Variants in MUC12 observed in about 807,000 individuals in gnomAD.
MUC12 encodes the protein mucin-12.
MUC12 carries 172 observed loss-of-function variants against 230.8 expected under a neutral mutation model. The observed-to-expected ratio is 0.75, with a 90% CI of 0.66 to 0.85. The LOEUF (loss-of-function observed/expected upper bound fraction) is 0.85. Ranked by LOEUF, MUC12 falls within the 40% of genes least tolerant of loss-of-function variation. MUC12 has a pLI of 0.00. For missense variants in MUC12, 3,506 were observed against 5,920.6 expected, an observed-to-expected ratio of 0.59 and a Z score of 13.38; for synonymous variants, 1,259 against 2,401.9, an observed-to-expected ratio of 0.52 and a Z score of 13.91.
At chr7:101,013,240 T>C in intron 8 of MUC12, 98 bp downstream of exon 8, 1 of 1,382,828 alleles carries the variant, frequency 7.2e-7, no homozygotes, top group Non-Finnish European at 9.8e-7. Flanking sequence ...TGAGTAGAGC[T>C]TGGGAGGTGC....
intron 1 of MUC12, chr7:100,972,752 C>G (rs1792933551): frequency 1.5e-6 from 1 of 652,784 alleles, no homozygotes; most frequent in African/African-American, 1.8e-5. Flanking sequence ...GTAATCTGCT[C>G]AGCTCGAACT....
At chr7:100,988,068 G>C (rs1000392483) in intron 1 of MUC12, among the ~76,000 whole-genome samples, 2 of 151,912 alleles carry the variant, frequency 1.3e-5, no homozygotes, top group African/African-American at 2.4e-5. Flanking sequence ...GAGAGGCCAA[G>C]GCAGGCAGAT....
chr7:101,014,024 A>C lies in MUC12; in HGVS notation c.15750A>C (p.Ala5250=). 1 of 1,537,008 alleles carries C rather than the reference A, an allele frequency of 6.5e-7. No individual in the cohort carries two copies. The highest frequency in any genetic ancestry group is 8.7e-7 in the Non-Finnish European group (1 of 1,146,808). The change falls in exon 9 of 12, where the codon GCA becomes GCC. Residue 5250 remains alanine, a synonymous_variant. Transcript: ENST00000536621. ...CTGTGATGGCGGTGCTGCTGCTCGCATTGATCATCCTAATCATCTTATTCA... is the reference window on the plus strand; with the variant it reads ...CTGTGATGGCGGTGCTGCTGCTCGCCTTGATCATCCTAATCATCTTATTCA... The part of the protein sequence containing the change: ...VGAVMAVLLL[A]LIILIILFSL...
At chr7:100,972,370 C>A (rs1402266741) in intron 1 of MUC12, among the ~76,000 whole-genome samples, 1 of 948 alleles carries the variant, frequency 1.1e-3, no homozygotes, top group East Asian at 0.021. Context: ...TAGAGGATCC[C>A]AGTTCTCTCC....
rs1471026976 is a variant in MUC12 at position 101,004,469 on chromosome 7, A to T, written c.13906A>T (p.Ser4636Cys). 1 of 1,530,294 alleles carries T rather than the reference A, an allele frequency of 6.5e-7. No individual in the cohort carries two copies. Among genetic ancestry groups the T allele is most frequent in the Admixed American group, 2.0e-5 (1 of 50,002 alleles). The allele number at this position is 1,530,294 out of a possible 1,614,324, so 94.8% of individuals were successfully genotyped here. A position where few individuals can be genotyped will look rare whatever the true frequency, so the allele number is the denominator to read the frequency against. Reference sequence around the variant, plus strand: ...TGAAGAATCAAGAACTTCCCACAGCAGCACAACACACACAATATCTTCACC... The same window carrying T: ...TGAAGAATCAAGAACTTCCCACAGCTGCACAACACACACAATATCTTCACC... The part of the protein sequence containing the change: ...RSEESRTSHS[S>C]TTHTISSPPS... Residue 4636 changes from serine (S) to cysteine (C), a missense_variant, in exon 2 of 12, where the codon AGC becomes TGC. By Grantham distance (112) the Ser-to-Cys change is moderately radical. Coordinates refer to ENST00000536621, the MANE Select transcript of MUC12 (RefSeq NM_001164462.2).
intron 1 of MUC12, among the ~76,000 whole-genome samples, chr7:100,978,476 C>A (rs543489818): frequency 6.6e-6 from 1 of 152,106 alleles, no homozygotes; most frequent in Non-Finnish European, 1.5e-5. Context: ...CTCTCATTTT[C>A]GAGGGAGAAA....
chr7:101,017,637 C>G lies in MUC12; in HGVS notation c.15940C>G (p.Leu5314Val), dbSNP rs1455482794. ...CGCCTACAACAACTTCCGGCCCACC[C>G]TGGAGACTGTTGACTCTGGCACAGA... ...ENAYNNFRPT[L>V]ETVDSGTELH... The change falls in exon 11 of 12, where the codon CTG (leucine) becomes GTG (valine). Residue 5314 changes from leucine to valine, a missense_variant. By Grantham distance (32) the Leu-to-Val change is conservative. Coordinates refer to ENST00000536621, the MANE Select transcript of MUC12 (RefSeq NM_001164462.2). 2 of 1,535,998 alleles carry G rather than the reference C, an allele frequency of 1.3e-6. No homozygotes were observed. Among genetic ancestry groups the G allele is most frequent in the African/African-American group, 2.7e-5 (2 of 72,910 alleles).
Position 100,992,601 on chromosome 7 carries a change from T to C in MUC12, c.2038T>C (p.Ser680Pro). The change falls in exon 2 of 12, where the codon TCA (serine) becomes CCA (proline). Residue 680 changes from serine to proline, a missense_variant. Ser to Pro is a moderately conservative substitution (Grantham distance 74). Coordinates refer to ENST00000536621, the MANE Select transcript of MUC12 (RefSeq NM_001164462.2). ...CCACATTTCTGCCCGCTCCACAACC[T>C]CAGGCCTCGTTGAAGAATCTACGAC... ...TTHISARSTT[S>P]GLVEESTTYH... The C allele has an allele frequency of 1.3e-6, 2 of 1,537,788 alleles. No individual in the cohort carries two copies. Among genetic ancestry groups the C allele is most frequent in the Non-Finnish European group, 1.7e-6 (2 of 1,146,990 alleles).
At chr7:100,977,117 G>A (rs539242670) in intron 1 of MUC12, among the ~76,000 whole-genome samples, 1 of 149,748 alleles carries the variant, frequency 6.7e-6, no homozygotes, top group Non-Finnish European at 1.5e-5. Context: ...ATCAGTTGGA[G>A]GAGTCAGGAT....
Position 100,991,310 on chromosome 7 carries a change from T to C in MUC12, c.747T>C (p.Ser249=). The change falls in exon 2 of 12, where the codon TCT becomes TCC. Residue 249 remains serine, a synonymous_variant. Coordinates refer to ENST00000536621, the MANE Select transcript of MUC12 (RefSeq NM_001164462.2). ...NTTTSGLLEA[S]TPVHSSTGSP... ...CAACCTCAGGCCTCCTTGAAGCATC[T>C]ACGCCCGTCCACAGCAGCACTGGAT... is the stretch of plus-strand genomic sequence containing the variant. 1.3e-6 allele frequency: 2 copies of C among 1,537,734 alleles called. No homozygotes were observed. The highest frequency in any genetic ancestry group is 1.4e-5 in the African/African-American group (1 of 73,082).
At chr7:101,007,151 G>A (rs1249359236) in intron 3 of MUC12, among the ~76,000 whole-genome samples, 3 of 152,088 alleles carry the variant, frequency 2.0e-5, no homozygotes, top group Admixed American at 2.0e-4. Flanking sequence ...TAGGGACGGA[G>A]TTTCACCATA....
At chr7:100,990,364 A>T (rs920988328) in intron 1 of MUC12, among the ~76,000 whole-genome samples, 1 of 152,218 alleles carries the variant, frequency 6.6e-6, no homozygotes, top group Non-Finnish European at 1.5e-5. Context: ...AATAGCCAAC[A>T]GCTCAAGTCC....
chr7:101,015,757 G>T, intron 10 of MUC12, 66 bp downstream of exon 10: 2 of 1,401,970 alleles, frequency 1.4e-6, no homozygotes, highest in Non-Finnish European at 1.9e-6. Flanking sequence ...GGCGGTGCCT[G>T]TGCCTGTGGG....
In MUC12 at chr7:101,003,139, C is replaced by A. The variant is rs536956919; in HGVS notation, c.12576C>A (p.Tyr4192Ter). ...TGAGTGAGAAATCTACCACCTTCTA[C>A]AGTAGCCCCAGATCACCGGACACAA... Reference protein sequence around the residue: ...AGLSEKSTTFYSSPRSPDTTL... With the variant: ...AGLSEKSTTF The change falls in exon 2 of 12, where the codon TAC (tyrosine) becomes TAA (stop). Residue 4192 changes from tyrosine to a stop codon, truncating the protein, a stop_gained. Transcript: ENST00000536621. LOFTEE classifies it high-confidence loss of function. The A allele has an allele frequency of 3.0e-6, 3 of 1,000,622 alleles. No homozygotes were observed. The highest frequency in any genetic ancestry group is 1.5e-5 in the South Asian group (1 of 66,780). The allele number at this position is 1,000,622 out of a possible 1,614,324, so 62.0% of individuals were successfully genotyped here. A position where few individuals can be genotyped will look rare whatever the true frequency, so the allele number is the denominator to read the frequency against.
At chr7:100,989,353 C>T (rs980579679) in intron 1 of MUC12, among the ~76,000 whole-genome samples, 1 of 152,046 alleles carries the variant, frequency 6.6e-6, no homozygotes, top group African/African-American at 2.4e-5. Context: ...AGTGATCTGC[C>T]ACCTCGGCAT....
chr7:101,012,842 G>A lies in MUC12; in HGVS notation c.15427G>A (p.Glu5143Lys). Residue 5143 changes from glutamate (E) to lysine (K), a missense_variant, in exon 7 of 12, where the codon GAG becomes AAG. Transcript: ENST00000536621. Reference sequence around the variant, plus strand: ...AGAGGCCATACTGTGCTATAGTGAAGAGGACACTTTCGTGGATTCATCGGT... The same window carrying A: ...AGAGGCCATACTGTGCTATAGTGAAAAGGACACTTTCGTGGATTCATCGGT... ...CRKAILCYSEEDTFVDSSVTP... is the reference protein window; with the variant it reads ...CRKAILCYSEKDTFVDSSVTP... The A allele has an allele frequency of 6.5e-7, 1 of 1,537,258 alleles. No individual in the cohort carries two copies.
intron 1 of MUC12, among the ~76,000 whole-genome samples, chr7:100,987,116 G>T (rs1428257738): frequency 7.0e-6 from 1 of 142,914 alleles, no homozygotes; most frequent in Admixed American, 7.4e-5. Context: ...ACCCAGGCTG[G>T]AGTGCAATGG....
chr7:101,006,429 TG>T, intron 2 of MUC12, 41 bp from the exon 3 acceptor site: 1 of 1,422,298 alleles, frequency 7.0e-7, no homozygotes, highest in South Asian at 1.2e-5. Flanking sequence ...TTTTGCTCTT[TG>T]GGCTCCCACG....
rs770765688 is a variant in MUC12 at position 101,004,597 on chromosome 7, C to G, written c.14034C>G (p.Gly4678=). 1.3e-6 allele frequency: 2 copies of G among 1,536,786 alleles called. No homozygotes were observed. Among genetic ancestry groups the G allele is most frequent in the African/African-American group, 1.4e-5 (1 of 72,964 alleles). The change falls in exon 2 of 12, where the codon GGC becomes GGG. Residue 4678 remains glycine, a synonymous_variant. Coordinates refer to ENST00000536621, the MANE Select transcript of MUC12 (RefSeq NM_001164462.2). ...THFPESSTTS[G]RSEESTASHS... is the part of the protein sequence containing the mutation. ...TTCCTGAGAGCTCCACAACCTCCGG[C>G]CGTAGTGAGGAATCAACAGCATCCC...
Sources: allele counts gnomAD v4.1 joint callset (sites outside exome capture counted in the v4.1 genomes callset), GRCh38; gene constraint gnomAD v4.1.1; transcripts MANE v1.5; gene names NCBI Gene and HGNC (gene_info 2026-07-23, HGNC 2026-07-21).